PPHLN1: variants seen among roughly 807,000 people sequenced by gnomAD.
PPHLN1 encodes the protein periphilin 1, also known as periphilin-1.
PPHLN1 carries 29 observed loss-of-function variants against 51.3 expected under a neutral mutation model. The observed-to-expected ratio is 0.57, with a 90% CI of 0.42 to 0.77. The LOEUF is 0.77. Among genes scored for constraint, PPHLN1 ranks in the 30% least tolerant of loss-of-function variants. PPHLN1 has a pLI of 0.00. For missense variants in PPHLN1, 436 were observed against 438.4 expected (o/e 0.99, Z 0.05); for synonymous variants, 147 against 147.8 (o/e 0.99, Z 0.04).
chr12:42,362,073 T>C (rs1033911854), intron 4 of PPHLN1, among the ~76,000 whole-genome samples: 3 of 152,242 alleles, frequency 2.0e-5, no homozygotes, highest in Non-Finnish European at 2.9e-5. Flanking sequence ...TGTATGTGTG[T>C]AACCATCCTC....
chr12:42,364,328 C>T (rs1048931459), intron 4 of PPHLN1, among the ~76,000 whole-genome samples: 5 of 151,604 alleles, frequency 3.3e-5, no homozygotes, highest in Non-Finnish European at 2.9e-5. Context: ...GGCCAATATA[C>T]TTTACTTTTA....
chr12:42,447,144 GACAGACTCC>G (rs953565122), downstream of PPHLN1: 1 of 153,210 alleles, frequency 6.5e-6, no homozygotes, highest in African/African-American at 2.4e-5. Context: ...GAGTCTTCAG[GACAGACTCC>G]GCATGGGACT....
chr12:42,346,968 C>T (rs897660141), intron 2 of PPHLN1: 1 of 152,172 alleles, frequency 6.6e-6, no homozygotes, highest in African/African-American at 2.4e-5. Flanking sequence ...TCACTGCAGC[C>T]TTGAACTCCT....
At chr12:42,352,432 CAG>C (rs1361326324) in intron 3 of PPHLN1, among the ~76,000 whole-genome samples, 2 of 148,176 alleles carry the variant, frequency 1.3e-5, no homozygotes, top group Non-Finnish European at 1.5e-5. Context: ...TTTTTTGAGA[CAG>C]AGTCTTACTC....
intron 2 of PPHLN1, among the ~76,000 whole-genome samples, chr12:42,344,187 C>T (rs990845954): frequency 1.3e-5 from 2 of 152,038 alleles, no homozygotes; most frequent in Admixed American, 1.3e-4. Flanking sequence ...GTAAATAAGA[C>T]CAATAAAGGT....
chr12:42,350,014 G>T (rs2073007032), intron 2 of PPHLN1, among the ~76,000 whole-genome samples: 1 of 150,482 alleles, frequency 6.6e-6, no homozygotes, highest in Non-Finnish European at 1.5e-5. Flanking sequence ...CCCCCCAGAG[G>T]GGGTGGCCGG....
chr12:42,446,750 A>G (rs1417027278), downstream of PPHLN1: 8 of 1,197,460 alleles, frequency 6.7e-6, no homozygotes, highest in Non-Finnish European at 9.1e-6. Context: ...GAAAGACGCA[A>G]TTGGAAGGTC....
intron 9 of PPHLN1, among the ~76,000 whole-genome samples, chr12:42,413,327 T>C (rs1250957845): frequency 6.6e-6 from 1 of 152,236 alleles, no homozygotes; most frequent in Non-Finnish European, 1.5e-5. Flanking sequence ...TTCATTCTTC[T>C]ATATGTGGCT....
chr12:42,371,448 C>T (rs11181467), intron 4 of PPHLN1, among the ~76,000 whole-genome samples: 51,476 of 151,956 alleles, frequency 0.34, 9,489 homozygotes, highest in South Asian at 0.46. Context: ...ATAGTCTCCT[C>T]GAGACTTGCA....
intron 4 of PPHLN1, among the ~76,000 whole-genome samples, chr12:42,365,420 C>T (rs1224833770): frequency 6.6e-6 from 1 of 152,204 alleles, no homozygotes; most frequent in Non-Finnish European, 1.5e-5. Context: ...TTCTTCCCTT[C>T]CCTTGTATCC....
chr12:42,377,431 G>A (rs2076370778), intron 5 of PPHLN1, among the ~76,000 whole-genome samples: 2 of 150,550 alleles, frequency 1.3e-5, no homozygotes, highest in South Asian at 2.1e-4. Flanking sequence ...TCAGTCTCCT[G>A]AGTAGTTGGG....
At chr12:42,405,014 G>A (rs2079169023) in intron 9 of PPHLN1, among the ~76,000 whole-genome samples, 1 of 152,166 alleles carries the variant, frequency 6.6e-6, no homozygotes, top group African/African-American at 2.4e-5. Flanking sequence ...GTGACAGAGT[G>A]AGACTCCGTC....
Position 42,375,010 on chromosome 12 carries a change from C to G in PPHLN1, c.447C>G (p.Val149=), listed in dbSNP as rs754749842. 6 of 1,613,920 alleles carry G rather than the reference C, an allele frequency of 3.7e-6. No homozygotes were observed. The highest frequency in any genetic ancestry group is 5.1e-6 in the Non-Finnish European group (6 of 1,179,916). ...CACACAGCAGATCTGGTTCCAGTGT[C>G]AGTAGCAGAAGCTACTCTCCAGAAA... ...DSPHSRSGSS[V]SSRSYSPERS... Residue 149 remains valine, a synonymous_variant, in exon 5 of 10, where the codon GTC becomes GTG. Coordinates refer to ENST00000358314, the MANE Select transcript of PPHLN1 (RefSeq NM_201439.2).
At chr12:42,371,307 C>T (rs1474607355) in intron 4 of PPHLN1, among the ~76,000 whole-genome samples, 1 of 151,748 alleles carries the variant, frequency 6.6e-6, no homozygotes, top group Admixed American at 6.6e-5. Flanking sequence ...TTTGTAGAGA[C>T]AGGCTTCTCT....
At chr12:42,412,152 C>T (rs2079918277) in intron 9 of PPHLN1, among the ~76,000 whole-genome samples, 1 of 151,918 alleles carries the variant, frequency 6.6e-6, no homozygotes, top group South Asian at 2.1e-4. Context: ...TTGCAGTGAG[C>T]CAAGATCACG....
In PPHLN1 at chr12:42,441,236, A is replaced by C. The variant is rs550984020; in HGVS notation, c.910-79A>C. 1.4e-5 allele frequency: 21 copies of C among 1,468,382 alleles called. No individual in the cohort carries two copies. In the East Asian group the frequency reaches 4.6e-4, roughly 32 times the overall value. 91.0% of individuals were successfully genotyped at this position (1,468,382 alleles called of 1,614,324 possible). ...TCTCTCTTTTAGATGTCAGCATCAT[A>C]ATTCTGCCAACTCAGTTAGCTAAGT... On this transcript the variant is annotated intron_variant, in intron 9 of 9. Coordinates refer to ENST00000358314, the MANE Select transcript of PPHLN1 (RefSeq NM_201439.2).
At chr12:42,375,474 G>A (rs958468483) in intron 5 of PPHLN1, among the ~76,000 whole-genome samples, 7 of 151,810 alleles carry the variant, frequency 4.6e-5, no homozygotes, top group African/African-American at 1.5e-4. Flanking sequence ...ACCATGCCCG[G>A]CTAATTTTTG....
intron 9 of PPHLN1, chr12:42,399,211 C>CT (rs1329279198): frequency 1.3e-5 from 15 of 1,174,392 alleles, no homozygotes; most frequent in African/African-American, 6.2e-5. Context: ...AAACAGACTT[C>CT]TTTTTTACAG....
intron 4 of PPHLN1, chr12:42,359,641 G>A (rs1319634086): frequency 1.3e-5 from 2 of 152,176 alleles, no homozygotes; most frequent in African/African-American, 2.4e-5. Context: ...TTTGTGAACA[G>A]AAAATAGCTG....
Sources: allele counts gnomAD v4.1 joint callset (sites outside exome capture counted in the v4.1 genomes callset), GRCh38; gene constraint gnomAD v4.1.1; transcripts MANE v1.5; gene names NCBI Gene and HGNC (gene_info 2026-07-23, HGNC 2026-07-21).